Variants in PARVB observed in about 807,000 individuals in gnomAD.
The protein encoded by PARVB is parvin beta.
Under a neutral mutation model 47.0 loss-of-function variants are expected in PARVB, and 46 were observed. That is an observed-to-expected ratio of 0.98 (90% confidence interval 0.77 to 1.25). The LOEUF is 1.25. Ranked by LOEUF, PARVB falls within the 50% of genes most tolerant of loss-of-function variation. The pLI, the probability that PARVB is intolerant of heterozygous loss-of-function variation, is 0.00. For synonymous variants in PARVB, 196 were observed against 196.3 expected, an observed-to-expected ratio of 1.00 and a Z score of 0.01; for missense variants, 473 against 471.6, an observed-to-expected ratio of 1.00 and a Z score of -0.03.
rs569233308 is a variant in PARVB, at chr22:44,168,848, G to T, written c.*170G>T. On this transcript the variant is annotated 3_prime_UTR_variant, in exon 13 of 13. Coordinates refer to ENST00000338758, the MANE Select transcript of PARVB (RefSeq NM_013327.5). ...GCCTGCCCCACCCCCTGCCTCTTTT[G>T]GTTGTTGTTCTTAATCTCCTCTCCA... The T allele has an allele frequency of 4.7e-4, 257 of 541,208 alleles. No homozygotes were observed. In the African/African-American group the frequency reaches 5.6e-3, roughly 12 times the overall value. The allele number at this position is 541,208 out of a possible 1,614,324, so 33.5% of individuals were successfully genotyped here. A position where few individuals can be genotyped will look rare whatever the true frequency, so the allele number is the denominator to read the frequency against.
intron 1 of PARVB, among the ~76,000 whole-genome samples, chr22:44,066,823 T>TTCTCCTCC (rs2051545129): frequency 4.1e-5 from 1 of 24,652 alleles, no homozygotes; most frequent in Non-Finnish European, 7.5e-5. Context: ...CCTCCTCCTC[T>TTCTCCTCC]TCCTCCTCCA....
rs144438540 is a variant in PARVB at position 44,031,944 on chromosome 22, C to G, written c.112+7493C>G. Among the ~76,000 whole-genome samples, 85 of 152,184 alleles carry G rather than the reference C, an allele frequency of 5.6e-4. 1 individual carries two copies. The highest frequency in any genetic ancestry group is 2.0e-3 in the African/African-American group (81 of 41,536). On this transcript the variant is annotated intron_variant, in intron 1 of 12. Coordinates refer to ENST00000338758, the MANE Select transcript of PARVB (RefSeq NM_013327.5). ...ACATACCCTATGAAAATGTCTCTGC[C>G]TTAGCTGTACATGTTACACTTTAGG... is the stretch of plus-strand genomic sequence containing the variant.
At chr22:44,030,067 T>A (rs576053340) in intron 1 of PARVB, among the ~76,000 whole-genome samples, 8 of 152,262 alleles carry the variant, frequency 5.3e-5, no homozygotes, top group Non-Finnish European at 1.0e-4. Context: ...GGCATCCATC[T>A]TTTACACGGA....
Position 44,063,239 on chromosome 22 carries a change from T to G in PARVB, c.113-30689T>G, listed in dbSNP as rs183902857. On this transcript the variant is annotated intron_variant, in intron 1 of 12. Transcript: ENST00000338758. Reference sequence around the variant, plus strand: ...AATATTTCTTTTCTTTTCTTTTTTTTTTTTTGAGATGGAGTCTCGGTCTGT... The same window carrying G: ...AATATTTCTTTTCTTTTCTTTTTTTGTTTTTGAGATGGAGTCTCGGTCTGT... Among the ~76,000 whole-genome samples, 28 of 151,640 alleles carry G rather than the reference T, an allele frequency of 1.8e-4. 1 individual carries two copies. The East Asian group carries it at 5.4e-3, about 29-fold the overall frequency.
Position 44,163,894 on chromosome 22 carries a change from G to C in PARVB, c.982G>C (p.Asp328His). 1 of 1,611,530 alleles carries C rather than the reference G, an allele frequency of 6.2e-7. No individual in the cohort carries two copies. The highest frequency in any genetic ancestry group is 8.5e-7 in the Non-Finnish European group (1 of 1,178,890). Reference protein sequence around the residue: ...NVSFAFELMLDGGLKKPKARP... With the variant: ...NVSFAFELMLHGGLKKPKARP... ...GTCCTTCGCCTTTGAGCTGATGCTG[G>C]ACGGAGGCCTCAAGAAACCCAAGGC... The change falls in exon 12 of 13, where the codon GAC becomes CAC. Residue 328 changes from aspartate (D) to histidine (H), a missense_variant. Coordinates refer to ENST00000338758, the MANE Select transcript of PARVB (RefSeq NM_013327.5).
chr22:44,109,432 G>C (rs1183998817), intron 3 of PARVB: 1 of 152,248 alleles, frequency 6.6e-6, no homozygotes, highest in African/African-American at 2.4e-5. Flanking sequence ...CTAGACATCT[G>C]CCCACAGGAT....
intron 1 of PARVB, among the ~76,000 whole-genome samples, chr22:44,073,287 C>T (rs1186217490): frequency 6.6e-6 from 1 of 152,078 alleles, no homozygotes; most frequent in South Asian, 2.1e-4. Context: ...GTCAGGGGTT[C>T]GAGACCAGCC....
At chr22:44,111,071 T>C (rs78570630) in intron 3 of PARVB, 6 of 152,116 alleles carry the variant, frequency 3.9e-5, no homozygotes, top group Non-Finnish European at 8.8e-5. Flanking sequence ...TTTTTTTTTT[T>C]CCATGTATGT....
chr22:44,110,106 C>T (rs1430331623), intron 3 of PARVB: 1 of 94,384 alleles, frequency 1.1e-5, no homozygotes, highest in Non-Finnish European at 1.9e-5. Flanking sequence ...GAGCGAGACT[C>T]CGTCTCAAAA....
At chr22:44,027,607 G>A (rs1310255962) in intron 1 of PARVB, among the ~76,000 whole-genome samples, 2 of 152,158 alleles carry the variant, frequency 1.3e-5, no homozygotes, top group African/African-American at 4.8e-5. Flanking sequence ...TAAAAAATAT[G>A]TATGTGTGGG....
Position 44,068,418 on chromosome 22 carries a change from C to T in PARVB, c.113-25510C>T, listed in dbSNP as rs748951149. 6.6e-5 allele frequency among the ~76,000 whole-genome samples: 10 copies of T among 152,304 alleles called. No individual in the cohort carries two copies. The highest frequency in any genetic ancestry group is 2.4e-5 in the African/African-American group (1 of 41,574). ...GCCGAGGAAAGGGGGAGCAAGTTGCCGGCCAAGGTAGGTATCATGCGAGTC... is the reference window on the plus strand; with the variant it reads ...GCCGAGGAAAGGGGGAGCAAGTTGCTGGCCAAGGTAGGTATCATGCGAGTC... On this transcript the variant is annotated intron_variant, in intron 1 of 12. Coordinates refer to ENST00000338758, the MANE Select transcript of PARVB (RefSeq NM_013327.5). The surrounding 1 kb of genome is among the most constrained non-coding windows in gnomAD (Gnocchi z 4.1).
At position 44,103,881 on chromosome 22, in the gene PARVB, G is replaced by T. The variant is rs1158752955; in HGVS notation, c.273+3758G>T. The stretch of plus-strand genomic sequence containing the variant: ...TAGAGAACCCAGAAGGAACCCTGGA[G>T]CCTCCAGAAGGAACCAGCCCTGCTG... On this transcript the variant is annotated intron_variant, in intron 3 of 12. Coordinates refer to ENST00000338758, the MANE Select transcript of PARVB (RefSeq NM_013327.5). The surrounding 1 kb of genome is among the most constrained non-coding windows in gnomAD (Gnocchi z 4.6). 1 of 152,302 alleles carries T rather than the reference G, an allele frequency of 6.6e-6. No individual in the cohort carries two copies. The highest frequency in any genetic ancestry group is 1.5e-5 in the Non-Finnish European group (1 of 68,084). 9.4% of individuals were successfully genotyped at this position (152,302 alleles called of 1,614,324 possible). A position where few individuals can be genotyped will look rare whatever the true frequency, so the allele number is the denominator to read the frequency against.
chr22:44,080,859 C>A (rs2051884316), intron 1 of PARVB, among the ~76,000 whole-genome samples: 1 of 152,168 alleles, frequency 6.6e-6, no homozygotes, highest in Non-Finnish European at 1.5e-5. Context: ...GGAGACAGAG[C>A]AGGCCATGCA....
chr22:44,060,526 T>C (rs903398561), intron 1 of PARVB, among the ~76,000 whole-genome samples: 1 of 151,938 alleles, frequency 6.6e-6, no homozygotes, highest in Non-Finnish European at 1.5e-5. Context: ...GGTCAGGTAG[T>C]GGGGCAACCG....
intron 1 of PARVB, among the ~76,000 whole-genome samples, chr22:44,036,304 T>C (rs2050922062): frequency 6.6e-6 from 1 of 152,142 alleles, no homozygotes; most frequent in African/African-American, 2.4e-5. Context: ...AAGTACTGCA[T>C]CTTTACATTT....
intron 1 of PARVB, among the ~76,000 whole-genome samples, chr22:44,088,224 C>G (rs1282149194): frequency 2.0e-5 from 3 of 152,098 alleles, no homozygotes; most frequent in African/African-American, 7.2e-5. Flanking sequence ...TGGGTTGGCA[C>G]TGGCAGGAAG....
intron 1 of PARVB, among the ~76,000 whole-genome samples, chr22:44,070,824 C>T (rs1391063101): frequency 3.3e-5 from 5 of 152,052 alleles, no homozygotes; most frequent in African/African-American, 7.2e-5. Context: ...GGGACCTGTG[C>T]GGGACTTTGC....
intron 4 of PARVB, among the ~76,000 whole-genome samples, chr22:44,123,262 G>A (rs932241743): frequency 2.0e-5 from 3 of 152,174 alleles, no homozygotes; most frequent in African/African-American, 4.8e-5. Context: ...ATTTGGCACC[G>A]GATGGGTCAT....
chr22:44,136,474 G>C lies in PARVB; in HGVS notation c.648G>C (p.Leu216=), dbSNP rs975699476. 3.1e-6 allele frequency: 5 copies of C among 1,614,062 alleles called. No individual in the cohort carries two copies. The highest frequency in any genetic ancestry group is 4.2e-6 in the Non-Finnish European group (5 of 1,179,950). The change falls in exon 7 of 13, where the codon CTG becomes CTC. Residue 216 remains leucine (L), a synonymous_variant. Coordinates refer to ENST00000338758, the MANE Select transcript of PARVB (RefSeq NM_013327.5). ...QVVVVRKREG[L]LHSSHISEEL... ...GGGGTTTTCAGAAACGGGAAGGCCT[G>C]CTGCATTCCAGCCACATCTCGGAGG...
Sources: allele counts gnomAD v4.1 joint callset (sites outside exome capture counted in the v4.1 genomes callset), GRCh38; gene constraint gnomAD v4.1.1; non-coding constraint Gnocchi (gnomAD v3.1); transcripts MANE v1.5; gene names NCBI Gene and HGNC (gene_info 2026-07-23, HGNC 2026-07-21).